The following PRKCB variants were observed in gnomAD, a reference collection of about 807,000 sequenced individuals.
PRKCB encodes the protein protein kinase C beta, also known as protein kinase C beta type.
Under a neutral mutation model 81.5 loss-of-function variants are expected in PRKCB, and 13 were observed. The ratio of observed to expected loss-of-function variants is 0.16; its 90% CI spans 0.10 to 0.25. PRKCB has a LOEUF of 0.25. Among genes scored for constraint, PRKCB ranks in the 10% least tolerant of loss-of-function variants. The pLI is 1.00. For synonymous variants in PRKCB, 335 were observed against 321.4 expected, an observed-to-expected ratio of 1.04 and a Z score of -0.45; for missense variants, 509 against 875.7, an observed-to-expected ratio of 0.58 and a Z score of 5.29.
intron 5 of PRKCB, among the ~76,000 whole-genome samples, chr16:24,041,985 GAAA>G (rs111410896): frequency 9.6e-6 from 1 of 104,454 alleles, no homozygotes. Flanking sequence ...CTCCATCTTG[GAAA>G]AAAAAAAAAA....
chr16:24,107,825 A>G (rs1567376612), intron 7 of PRKCB, among the ~76,000 whole-genome samples: 1 of 152,192 alleles, frequency 6.6e-6, no homozygotes, highest in Non-Finnish European at 1.5e-5. Context: ...CTGTTGGGGC[A>G]CCTTTTATGG....
intron 16 of PRKCB, among the ~76,000 whole-genome samples, chr16:24,198,267 T>C (rs1967907616): frequency 6.6e-6 from 1 of 152,236 alleles, no homozygotes; most frequent in African/African-American, 2.4e-5. Flanking sequence ...TTTGGTGGCA[T>C]TCATGTATTG....
intron 2 of PRKCB, among the ~76,000 whole-genome samples, chr16:23,856,649 GA>G (rs939533128): frequency 1.3e-4 from 19 of 151,776 alleles, no homozygotes; most frequent in African/African-American, 4.6e-4. Context: ...TCATTCTCAT[GA>G]GTAGCTGGGA....
intron 2 of PRKCB, among the ~76,000 whole-genome samples, chr16:23,853,543 G>A (rs1323534882): frequency 1.3e-5 from 2 of 152,202 alleles, no homozygotes; most frequent in African/African-American, 4.8e-5. Flanking sequence ...AACAGGTTTT[G>A]ATGAACTCAG....
chr16:23,869,651 G>T (rs1177316851), intron 2 of PRKCB, among the ~76,000 whole-genome samples: 1 of 152,084 alleles, frequency 6.6e-6, no homozygotes, highest in East Asian at 1.9e-4. Flanking sequence ...TTTCTTTAAA[G>T]AGTCTGTTTT....
At chr16:24,035,013 A>G (rs1490229751) in intron 4 of PRKCB, among the ~76,000 whole-genome samples, 1 of 152,162 alleles carries the variant, frequency 6.6e-6, no homozygotes, top group East Asian at 1.9e-4. Flanking sequence ...TACGTTGAGA[A>G]ATGGGGAATG....
chr16:23,955,956 G>A (rs1396448088), intron 2 of PRKCB, among the ~76,000 whole-genome samples: 3 of 147,176 alleles, frequency 2.0e-5, no homozygotes, highest in Non-Finnish European at 4.5e-5. Context: ...ACCAAAAGAA[G>A]CACTTATCAT....
At chr16:24,203,080 C>T (rs1967984550) in intron 16 of PRKCB, 1 of 151,858 alleles carries the variant, frequency 6.6e-6, no homozygotes, top group African/African-American at 2.4e-5. Context: ...TTACAAAAAT[C>T]AACCAGGTGG....
intron 7 of PRKCB, 107 bp downstream of exon 7, chr16:24,094,404 C>A (rs780602085): frequency 7.1e-7 from 1 of 1,413,808 alleles, no homozygotes; most frequent in African/African-American, 1.4e-5. Context: ...AAACAGAGTC[C>A]CAAAGTGAAG....
intron 2 of PRKCB, among the ~76,000 whole-genome samples, chr16:23,864,099 A>C (rs1962731042): frequency 6.6e-6 from 1 of 152,168 alleles, no homozygotes; most frequent in Non-Finnish European, 1.5e-5. Context: ...CTCTTAACCC[A>C]TAGAGCCACA....
At chr16:23,990,457 C>CGAAAA (rs1964870328) in intron 3 of PRKCB, among the ~76,000 whole-genome samples, 1 of 138,450 alleles carries the variant, frequency 7.2e-6, no homozygotes, top group Non-Finnish European at 1.5e-5. Flanking sequence ...GACTCTGTCT[C>CGAAAA]GAAAAAAAAG....
chr16:24,216,458 A>C lies in PRKCB; in HGVS notation c.*1642A>C. On this transcript the variant is annotated 3_prime_UTR_variant, in exon 17 of 17. Coordinates refer to ENST00000643927, the MANE Select transcript of PRKCB (RefSeq NM_002738.7). ...CCCTCCTCGCCTGCCGTGTCCTGCT[A>C]TTCTCAGGCAGCTCTAAGGAGAATT... The C allele has an allele frequency of 1.0e-6, 1 of 985,444 alleles. No homozygotes were observed. Among genetic ancestry groups the C allele is most frequent in the Non-Finnish European group, 1.2e-6 (1 of 829,938 alleles). 61.0% of individuals were successfully genotyped at this position (985,444 alleles called of 1,614,324 possible).
intron 11 of PRKCB, among the ~76,000 whole-genome samples, chr16:24,172,832 G>A (rs1967464912): frequency 6.6e-6 from 1 of 152,004 alleles, no homozygotes; most frequent in Non-Finnish European, 1.5e-5. Flanking sequence ...TCTTCCTTGG[G>A]GATTATCATT....
chr16:23,927,836 G>A (rs1963917631), intron 2 of PRKCB, among the ~76,000 whole-genome samples: 1 of 151,906 alleles, frequency 6.6e-6, no homozygotes, highest in Admixed American at 6.6e-5. Flanking sequence ...TTTGAGGGAA[G>A]GCTGTCTCCC....
chr16:24,045,932 C>T (rs769183694), intron 5 of PRKCB, among the ~76,000 whole-genome samples: 7 of 152,260 alleles, frequency 4.6e-5, no homozygotes, highest in Non-Finnish European at 8.8e-5. Flanking sequence ...ACCTCCAGCC[C>T]CGCGTTGGCC....
intron 12 of PRKCB, 105 bp from the exon 13 acceptor site, chr16:24,180,685 C>T: frequency 1.5e-6 from 2 of 1,369,834 alleles, no homozygotes; most frequent in Non-Finnish European, 2.0e-6. Context: ...GACCTTTGTG[C>T]CCACACAACA....
intron 2 of PRKCB, among the ~76,000 whole-genome samples, chr16:23,843,176 T>TTA (rs1052371570): frequency 6.6e-6 from 1 of 152,184 alleles, no homozygotes; most frequent in African/African-American, 2.4e-5. Context: ...CCCTAGAAAC[T>TTA]TATAATATGG....
chr16:24,163,458 G>A (rs1303768015), intron 10 of PRKCB, among the ~76,000 whole-genome samples: 1 of 152,216 alleles, frequency 6.6e-6, no homozygotes, highest in Non-Finnish European at 1.5e-5. Flanking sequence ...AATAGACACA[G>A]CCTTATGCTC....
At position 24,157,597 on chromosome 16, in the gene PRKCB, A is replaced by G. The variant is rs1414463378; in HGVS notation, c.1239+2740A>G. On this transcript the variant is annotated intron_variant, in intron 10 of 16. Coordinates refer to ENST00000643927, the MANE Select transcript of PRKCB (RefSeq NM_002738.7). ...TTTCCTTTATAAATTATCCCATCTC[A>G]GGTATGTCTAATGGACTAATGAGAA... Among the ~76,000 whole-genome samples, 3 of 150,144 alleles carry G rather than the reference A, an allele frequency of 2.0e-5. 1 individual carries two copies. The highest frequency in any genetic ancestry group is 4.4e-5 in the Non-Finnish European group (3 of 67,676).
Sources: allele counts gnomAD v4.1 joint callset (sites outside exome capture counted in the v4.1 genomes callset), GRCh38; gene constraint gnomAD v4.1.1; transcripts MANE v1.5; gene names NCBI Gene and HGNC (gene_info 2026-07-23, HGNC 2026-07-21).